EYS: variants seen among roughly 807,000 people sequenced by gnomAD.
The protein encoded by EYS is protein eyes shut homolog.
In EYS, 250 loss-of-function variants were observed where a neutral mutation model predicts 282.1. The ratio of observed to expected loss-of-function variants is 0.89; its 90% CI spans 0.80 to 0.98. EYS has a LOEUF of 0.98. Among genes scored for constraint, EYS ranks in the 50% least tolerant of loss-of-function variants. EYS has a pLI of 0.00. For missense variants in EYS, 4,016 were observed against 3,709.0 expected, an observed-to-expected ratio of 1.08 and a Z score of -2.15; for synonymous variants, 1,355 against 1,282.9, an observed-to-expected ratio of 1.06 and a Z score of -1.20.
chr6:65,382,977 C>T lies in EYS; in HGVS notation c.1299+1409G>A, dbSNP rs181196434. ...GACCCTCAGTATTAAGCATCACATG[C>T]TAGTACCACATTGCCTTGATACTCT... On this transcript the variant is annotated intron_variant, in intron 8 of 42. Coordinates refer to ENST00000503581, the MANE Select transcript of EYS (RefSeq NM_001142800.2). Among the ~76,000 whole-genome samples, 76 of 132,926 alleles carry T rather than the reference C, an allele frequency of 5.7e-4. 1 individual carries two copies. Among genetic ancestry groups the T allele is most frequent in the Middle Eastern group, 7.1e-3 (2 of 282 alleles). The allele number at this position is 132,926 out of a possible 152,430, so 87.2% of individuals were successfully genotyped here. A position where few individuals can be genotyped will look rare whatever the true frequency, so the allele number is the denominator to read the frequency against.
At chr6:64,204,358 G>A (rs1274561184) in intron 31 of EYS, among the ~76,000 whole-genome samples, 1 of 152,026 alleles carries the variant, frequency 6.6e-6, no homozygotes, top group African/African-American at 2.4e-5. Flanking sequence ...TTTCACTGTT[G>A]GGAATTCACC....
chr6:64,578,326 G>A (rs1457829342), intron 26 of EYS, among the ~76,000 whole-genome samples: 1 of 152,066 alleles, frequency 6.6e-6, no homozygotes, highest in Non-Finnish European at 1.5e-5. Flanking sequence ...TTGCTTGCCT[G>A]CTCTTCCACA....
At chr6:64,606,166 A>C (rs1766927505) in intron 24 of EYS, among the ~76,000 whole-genome samples, 1 of 152,076 alleles carries the variant, frequency 6.6e-6, no homozygotes, top group South Asian at 2.1e-4. Flanking sequence ...TAAGTTCAAC[A>C]ATATACACAT....
At chr6:65,402,656 G>A in intron 6 of EYS, 51 bp from the exon 7 acceptor site, 1 of 1,253,314 alleles carries the variant, frequency 8.0e-7, no homozygotes, top group Non-Finnish European at 1.2e-6. Context: ...ATATTTCAAA[G>A]GTAATGAATG....
intron 7 of EYS, among the ~76,000 whole-genome samples, chr6:65,384,802 T>C (rs1398726828): frequency 8.2e-6 from 1 of 122,072 alleles, no homozygotes; most frequent in Non-Finnish European, 1.9e-5. Flanking sequence ...ACTAGTGAAA[T>C]ATGAAGAAAA....
chr6:64,996,623 A>G (rs1443630815), intron 14 of EYS, among the ~76,000 whole-genome samples: 1 of 151,584 alleles, frequency 6.6e-6, no homozygotes, highest in East Asian at 2.0e-4. Context: ...AAAAGTGGCT[A>G]GACAACCTCT....
At chr6:64,739,915 T>A (rs957284015) in intron 22 of EYS, among the ~76,000 whole-genome samples, 2 of 152,116 alleles carry the variant, frequency 1.3e-5, no homozygotes, top group African/African-American at 4.8e-5. Flanking sequence ...GTTTTTAAAC[T>A]CTTATTTTAT....
chr6:63,766,139 C>T (rs1217785264), intron 40 of EYS, among the ~76,000 whole-genome samples: 1 of 151,968 alleles, frequency 6.6e-6, no homozygotes, highest in Non-Finnish European at 1.5e-5. Flanking sequence ...AGGCAGTTTA[C>T]AGTTTTGCTT....
At chr6:64,354,971 C>T (rs748984135) in intron 29 of EYS, among the ~76,000 whole-genome samples, 32 of 151,614 alleles carry the variant, frequency 2.1e-4, no homozygotes, top group Admixed American at 5.9e-4. Flanking sequence ...AGGCAACTGC[C>T]TTACAATTGT....
intron 1 of EYS, among the ~76,000 whole-genome samples, chr6:65,676,031 C>T (rs1477922051): frequency 6.6e-6 from 1 of 151,674 alleles, no homozygotes; most frequent in East Asian, 1.9e-4. Flanking sequence ...TGTACTGACA[C>T]AAACAAAAAT....
At chr6:64,974,698 C>T (rs563235211) in intron 14 of EYS, among the ~76,000 whole-genome samples, 1 of 151,832 alleles carries the variant, frequency 6.6e-6, no homozygotes, top group Non-Finnish European at 1.5e-5. Context: ...TGTGTGGATA[C>T]TTCTCTCTTA....
chr6:63,827,768 C>T (rs370334664), intron 36 of EYS, among the ~76,000 whole-genome samples: 29 of 150,470 alleles, frequency 1.9e-4, no homozygotes, highest in African/African-American at 5.6e-4. Context: ...GGCGTGAACC[C>T]GGGAAGCGGA....
At chr6:64,975,223 T>C (rs1311776013) in intron 14 of EYS, among the ~76,000 whole-genome samples, 1 of 151,820 alleles carries the variant, frequency 6.6e-6, no homozygotes, top group Non-Finnish European at 1.5e-5. Flanking sequence ...TTGAATAAGA[T>C]ATAAAAACGA....
intron 15 of EYS, among the ~76,000 whole-genome samples, chr6:64,929,326 G>A (rs530907383): frequency 6.6e-6 from 1 of 152,206 alleles, no homozygotes; most frequent in South Asian, 2.1e-4. Flanking sequence ...TATGATGCCT[G>A]ATAAAACTGT....
chr6:65,335,206 A>G (rs1562103331), intron 10 of EYS, 60 bp from the exon 11 acceptor site: 1 of 1,203,608 alleles, frequency 8.3e-7, no homozygotes, highest in Admixed American at 1.7e-5. Flanking sequence ...CAATATTACA[A>G]TTGTGACCTG....
At chr6:65,243,418 G>A (rs1372068430) in intron 12 of EYS, among the ~76,000 whole-genome samples, 1 of 152,138 alleles carries the variant, frequency 6.6e-6, no homozygotes, top group Non-Finnish European at 1.5e-5. Context: ...AGGAGTTGGG[G>A]GGTGAAGGAA....
chr6:64,392,019 G>A (rs1221627254), intron 28 of EYS, among the ~76,000 whole-genome samples: 1 of 151,662 alleles, frequency 6.6e-6, no homozygotes, highest in African/African-American at 2.4e-5. Context: ...AACATCAAAA[G>A]AGACAAAGAA....
chr6:64,005,798 G>T (rs190645068), intron 33 of EYS, among the ~76,000 whole-genome samples: 1 of 151,764 alleles, frequency 6.6e-6, no homozygotes, highest in Non-Finnish European at 1.5e-5. Flanking sequence ...ATTACTTCTG[G>T]GCTCTCTATT....
At chr6:64,349,658 G>C (rs1182436300) in intron 29 of EYS, among the ~76,000 whole-genome samples, 2 of 151,216 alleles carry the variant, frequency 1.3e-5, no homozygotes, top group Non-Finnish European at 3.0e-5. Flanking sequence ...GTTATTTAAA[G>C]TGTTTTTAGT....
Sources: gnomAD v4.1 joint callset for allele counts (sites outside exome capture counted in the v4.1 genomes callset) on GRCh38, gnomAD v4.1.1 for gene constraint, MANE v1.5 for transcripts, NCBI Gene and HGNC (gene_info 2026-07-23, HGNC 2026-07-21) for gene names.